The following B4GALNT2 variants were observed in gnomAD, a reference collection of about 807,000 sequenced individuals.
The protein encoded by B4GALNT2 is N-acetylneuraminylgalactosylglucosyl-glucoside beta-1,4-N- acetylgalactosaminyltransferase 2.
In B4GALNT2, 42 loss-of-function variants were observed where a neutral mutation model predicts 51.1. That is an observed-to-expected ratio of 0.82 (90% CI 0.64 to 1.06). B4GALNT2 has a LOEUF of 1.06. Among genes scored for constraint, B4GALNT2 ranks in the 50% least tolerant of loss-of-function variants. The pLI is 0.00. For missense variants in B4GALNT2, 602 were observed against 633.6 expected (o/e 0.95, Z 0.54); for synonymous variants, 253 against 251.7 (o/e 1.01, Z -0.05).
rs759054177 is a variant in B4GALNT2, at chr17:49,141,424, C to A, written c.192C>A (p.Asn64Lys). ...LKLLPEERLRNLFSYDGIWLF... is the reference protein window; with the variant it reads ...LKLLPEERLRKLFSYDGIWLF... ...TTCTGCCTGAGGAACGTCTCAGGAA[C>A]CTCTTTTCCTACGATGGAATCTGGT... is the stretch of plus-strand genomic sequence containing the variant. Residue 64 changes from asparagine (N) to lysine (K), a missense_variant, in exon 2 of 11, where the codon AAC (asparagine) becomes AAA (lysine). Asn to Lys is a moderately conservative substitution (Grantham distance 94, BLOSUM62 0). Coordinates refer to ENST00000393354, the MANE Select transcript of B4GALNT2 (RefSeq NM_001159387.2). The A allele has an allele frequency of 5.0e-6, 8 of 1,614,046 alleles. No homozygotes were observed. The highest frequency in any genetic ancestry group is 6.8e-6 in the Non-Finnish European group (8 of 1,180,030).
upstream of B4GALNT2, among the ~76,000 whole-genome samples, chr17:49,129,712 G>C (rs534589357): frequency 2.0e-5 from 3 of 150,554 alleles, no homozygotes; most frequent in East Asian, 1.9e-4. Flanking sequence ...ATTTCTGTGT[G>C]GGGGGGGAAG....
At chr17:49,149,024 C>G (rs1468008583) in intron 3 of B4GALNT2, 1 of 153,316 alleles carries the variant, frequency 6.5e-6, no homozygotes, top group East Asian at 1.9e-4. Context: ...CCACTGAATT[C>G]CAGTCTGGCG....
At chr17:49,145,232 A>G (rs947641238) in intron 3 of B4GALNT2, among the ~76,000 whole-genome samples, 9 of 152,184 alleles carry the variant, frequency 5.9e-5, no homozygotes, top group African/African-American at 1.9e-4. Flanking sequence ...CATAATCTTC[A>G]AATAAAGACA....
At chr17:49,148,392 G>T (rs1188434416) in intron 3 of B4GALNT2, 10 of 340,296 alleles carry the variant, frequency 2.9e-5, no homozygotes, top group South Asian at 1.6e-4. Flanking sequence ...ACTGGAATTT[G>T]GTTGTTGACA....
upstream of B4GALNT2, among the ~76,000 whole-genome samples, chr17:49,129,654 G>A (rs1043618629): frequency 2.6e-5 from 4 of 151,998 alleles, no homozygotes; most frequent in Non-Finnish European, 4.4e-5. Context: ...TACAGACTAG[G>A]AGTATTTATT....
upstream of B4GALNT2, among the ~76,000 whole-genome samples, chr17:49,127,701 G>A (rs1468611442): frequency 6.6e-6 from 1 of 152,182 alleles, no homozygotes; most frequent in East Asian, 1.9e-4. Context: ...AACAGGACTA[G>A]GAAAACAGTT....
rs760669779 is a variant in B4GALNT2 at position 49,152,918 on chromosome 17, C to T, written c.460+12C>T. The T allele has an allele frequency of 1.0e-5, 16 of 1,591,712 alleles. No homozygotes were observed. The highest frequency in any genetic ancestry group is 1.3e-5 in the Non-Finnish European group (15 of 1,163,860). On this transcript the variant is annotated intron_variant, in intron 4 of 10. Coordinates refer to ENST00000393354, the MANE Select transcript of B4GALNT2 (RefSeq NM_001159387.2). Reference sequence around the variant, plus strand: ...GGTTCCCATCCCAGGTAAGTACATCCACATACCAAGAGACCCCAGACAACA... The same window carrying T: ...GGTTCCCATCCCAGGTAAGTACATCTACATACCAAGAGACCCCAGACAACA...
At chr17:49,162,912 CAAAAAAAAAAAAAAA>C (rs34568226) in intron 7 of B4GALNT2, among the ~76,000 whole-genome samples, 1 of 53,622 alleles carries the variant, frequency 1.9e-5, no homozygotes, top group Non-Finnish European at 3.1e-5. Context: ...GAAACTGTCT[CAAAAAAAAAAAAAAA>C]AAAAAAAAGG....
intron 9 of B4GALNT2, 152 bp from the exon 10 acceptor site, chr17:49,168,529 C>A: frequency 1.2e-6 from 1 of 800,858 alleles, no homozygotes; most frequent in East Asian, 2.7e-5. Flanking sequence ...GCCACAGCAG[C>A]AACGAGGGAG....
At chr17:49,131,403 T>C (rs1485980913), upstream of B4GALNT2, among the ~76,000 whole-genome samples, 1 of 149,002 alleles carries the variant, frequency 6.7e-6, no homozygotes, top group African/African-American at 2.5e-5. Context: ...TGCATCAAAG[T>C]TGTAGATCAC....
chr17:49,167,345 C>A (rs1010692087), intron 9 of B4GALNT2, among the ~76,000 whole-genome samples: 1 of 152,164 alleles, frequency 6.6e-6, no homozygotes, highest in Admixed American at 6.5e-5. Flanking sequence ...AAACGTTTCT[C>A]GCATCGGTTC....
upstream of B4GALNT2, among the ~76,000 whole-genome samples, chr17:49,131,496 C>T (rs542041993): frequency 4.5e-5 from 6 of 132,920 alleles, no homozygotes; most frequent in East Asian, 1.3e-3. Flanking sequence ...AAGCACTGGC[C>T]ATTTTTCTTT....
intron 7 of B4GALNT2, among the ~76,000 whole-genome samples, chr17:49,161,080 G>T (rs988978215): frequency 6.6e-6 from 1 of 152,052 alleles, no homozygotes; most frequent in Non-Finnish European, 1.5e-5. Context: ...TTCAAGACTA[G>T]TCTAGCCAAT....
chr17:49,163,510 C>A (rs1470565515), intron 7 of B4GALNT2, among the ~76,000 whole-genome samples: 3 of 152,068 alleles, frequency 2.0e-5, no homozygotes, highest in Admixed American at 1.3e-4. Flanking sequence ...AATCCCAGCA[C>A]TTTAGGAGGC....
chr17:49,131,119 C>T (rs1281860015), upstream of B4GALNT2, among the ~76,000 whole-genome samples: 6 of 152,088 alleles, frequency 3.9e-5, no homozygotes, highest in Non-Finnish European at 7.4e-5. Context: ...CTGAGAAGTG[C>T]CTGACAGTGT....
Position 49,170,337 on chromosome 17 carries a change from G to A in B4GALNT2, c.*609G>A, listed in dbSNP as rs1356068588. The A allele has an allele frequency of 6.6e-6, 1 of 152,446 alleles. No homozygotes were observed. The highest frequency in any genetic ancestry group is 2.4e-5 in the African/African-American group (1 of 41,436). 9.4% of individuals were successfully genotyped at this position (152,446 alleles called of 1,614,324 possible). ...AGACTCCGTGGAGTGAACTTGTTAG[G>A]AGCCTGAAAGCAGACATTCAGGCAT... On this transcript the variant is annotated 3_prime_UTR_variant, in exon 11 of 11. Coordinates refer to ENST00000393354, the MANE Select transcript of B4GALNT2 (RefSeq NM_001159387.2).
At chr17:49,135,794 T>C (rs547861262) in intron 1 of B4GALNT2, among the ~76,000 whole-genome samples, 110 of 151,502 alleles carry the variant, frequency 7.3e-4, no homozygotes, top group African/African-American at 2.5e-3. Flanking sequence ...CCCGGCATGG[T>C]GGCTCACGCC....
intron 1 of B4GALNT2, among the ~76,000 whole-genome samples, chr17:49,139,037 A>C (rs987772580): frequency 1.3e-5 from 2 of 152,198 alleles, no homozygotes; most frequent in African/African-American, 4.8e-5. Flanking sequence ...TAATTTTTTT[A>C]CTATATTTTG....
At position 49,173,761 on chromosome 17, in the gene B4GALNT2, C is replaced by T. The variant is rs999380989; in HGVS notation, c.*4033C>T. 2.4e-4 allele frequency: 37 copies of T among 152,226 alleles called. No individual in the cohort carries two copies. Among genetic ancestry groups the T allele is most frequent in the African/African-American group, 8.2e-4 (34 of 41,538 alleles). The allele number at this position is 152,226 out of a possible 1,614,324, so 9.4% of individuals were successfully genotyped here. A position where few individuals can be genotyped will look rare whatever the true frequency, so the allele number is the denominator to read the frequency against. On this transcript the variant is annotated 3_prime_UTR_variant, in exon 11 of 11. Coordinates refer to ENST00000393354, the MANE Select transcript of B4GALNT2 (RefSeq NM_001159387.2). ...TGAATTAGTATGTGGAAGAAAAAGC[C>T]GCTCTACAAGATCTTGCTCTTGAAC...
Sources: gnomAD v4.1 joint callset for allele counts (sites outside exome capture counted in the v4.1 genomes callset) on GRCh38, gnomAD v4.1.1 for gene constraint, MANE v1.5 for transcripts, NCBI Gene and HGNC (gene_info 2026-07-23, HGNC 2026-07-21) for gene names.